CRB1: variants seen among roughly 807,000 people sequenced by gnomAD.
CRB1 encodes crumbs cell polarity complex component 1, also known as protein crumbs homolog 1.
In CRB1, 83 loss-of-function variants were observed where a neutral mutation model predicts 120.0. The observed-to-expected ratio is 0.69, with a 90% confidence interval of 0.58 to 0.83. The LOEUF is 0.83. CRB1 is among the 40% of genes least tolerant of loss of function. CRB1 has a pLI of 0.00. For synonymous variants in CRB1, 625 were observed against 612.5 expected (o/e 1.02, Z -0.30); for missense variants, 1,699 against 1,687.6 (o/e 1.01, Z -0.12).
chr1:197,395,536 A>C (rs1316802475), intron 5 of CRB1, among the ~76,000 whole-genome samples: 1 of 152,126 alleles, frequency 6.6e-6, no homozygotes, highest in African/African-American at 2.4e-5. Flanking sequence ...TATAAAAGTT[A>C]GGTGGTGATT....
chr1:197,236,050 A>G, the CRB1 span, among the ~76,000 whole-genome samples: 1 of 151,988 alleles, frequency 6.6e-6, no homozygotes, highest in African/African-American at 2.4e-5. Flanking sequence ...TCTTAATCTG[A>G]TGGTTGTGTT....
At chr1:197,249,702 A>G in the CRB1 span, among the ~76,000 whole-genome samples, 28 of 152,012 alleles carry the variant, frequency 1.8e-4, no homozygotes, top group Non-Finnish European at 3.2e-4. Context: ...AGATACAAGC[A>G]GGCAAGATGA....
intron 1 of CRB1, among the ~76,000 whole-genome samples, chr1:197,282,678 T>C (rs181678888): frequency 1.6e-3 from 237 of 152,010 alleles, no homozygotes; most frequent in Non-Finnish European, 2.8e-3. Context: ...TACACACATA[T>C]ACAATTAGAA....
chr1:197,335,721 A>C (rs183166798), intron 2 of CRB1, among the ~76,000 whole-genome samples: 1 of 152,186 alleles, frequency 6.6e-6, no homozygotes, highest in East Asian at 1.9e-4. Flanking sequence ...GGTGGCCTCG[A>C]TCTCCGGAGC....
intron 4 of CRB1, among the ~76,000 whole-genome samples, chr1:197,350,236 G>C (rs1177969095): frequency 7.2e-6 from 1 of 139,088 alleles, no homozygotes; most frequent in Non-Finnish European, 1.6e-5. Flanking sequence ...AGTAGGATAT[G>C]TTTCCTGTTT....
intron 2 of CRB1, among the ~76,000 whole-genome samples, chr1:197,342,946 C>T (rs920223942): frequency 2.6e-5 from 4 of 152,198 alleles, no homozygotes; most frequent in African/African-American, 9.7e-5. Flanking sequence ...AAATCTCATT[C>T]ACAGACTGCA....
At position 197,353,014 on chromosome 1, in the gene CRB1, C is replaced by T. The variant is rs141793416; in HGVS notation, c.989-3817C>T. Among the ~76,000 whole-genome samples, 788 of 152,206 alleles carry T rather than the reference C, an allele frequency of 5.2e-3. 8 individuals carry two copies. Among genetic ancestry groups the T allele is most frequent in the African/African-American group, 0.018 (742 of 41,514 alleles). Reference sequence around the variant, plus strand: ...TGCTTACATATTGCTCAGTCCTGGACTGGTAAATAAAATGAACACAGTCTC... The same window carrying T: ...TGCTTACATATTGCTCAGTCCTGGATTGGTAAATAAAATGAACACAGTCTC... On this transcript the variant is annotated intron_variant, in intron 4 of 11. Coordinates refer to ENST00000367400, the MANE Select transcript of CRB1 (RefSeq NM_201253.3).
chr1:197,354,515 A>G (rs1259916367), intron 4 of CRB1, among the ~76,000 whole-genome samples: 1 of 152,000 alleles, frequency 6.6e-6, no homozygotes, highest in Non-Finnish European at 1.5e-5. Context: ...ACTGGCTTCA[A>G]GAGTGAAGCC....
Position 197,427,837 on chromosome 1 carries a change from A to T in CRB1, c.2512A>T (p.Lys838Ter). 1 of 1,614,078 alleles carries T rather than the reference A, an allele frequency of 6.2e-7. No individual in the cohort carries two copies. Among genetic ancestry groups the T allele is most frequent in the Non-Finnish European group, 8.5e-7 (1 of 1,179,990 alleles). ...CATCTACATTGGTGGCCTACCTGACAAGCAAGAGACTGAACTTAATGGTGG... is the reference window on the plus strand; with the variant it reads ...CATCTACATTGGTGGCCTACCTGACTAGCAAGAGACTGAACTTAATGGTGG... ...DVIYIGGLPD[K>*]QETELNGGFF... Residue 838 changes from lysine (K) to a stop codon, truncating the protein, a stop_gained, in exon 7 of 12, where the codon AAG (lysine) becomes TAG (stop). Coordinates refer to ENST00000367400, the MANE Select transcript of CRB1 (RefSeq NM_201253.3). LOFTEE classifies it high-confidence loss of function.
At chr1:197,351,187 C>CAAAAAAAA (rs780090689) in intron 4 of CRB1, among the ~76,000 whole-genome samples, 2,054 of 84,446 alleles carry the variant, frequency 0.024, no homozygotes, top group Middle Eastern at 0.031. Context: ...ACTAAAAATA[C>CAAAAAAAA]AAAAAAAAAA....
chr1:197,212,616 G>A, the CRB1 span, among the ~76,000 whole-genome samples: 1 of 152,134 alleles, frequency 6.6e-6, no homozygotes, highest in Non-Finnish European at 1.5e-5. Context: ...AAGGGTAGGG[G>A]AAGTGTGATA....
intron 5 of CRB1, among the ~76,000 whole-genome samples, chr1:197,387,775 A>T (rs899577365): frequency 3.3e-5 from 5 of 152,048 alleles, no homozygotes; most frequent in African/African-American, 9.7e-5. Flanking sequence ...CAAAAAGAAT[A>T]CAAGTTTATT....
intron 1 of CRB1, among the ~76,000 whole-genome samples, chr1:197,327,671 G>T (rs536543349): frequency 2.6e-5 from 4 of 152,108 alleles, no homozygotes; most frequent in African/African-American, 9.7e-5. Flanking sequence ...TGCAAATATA[G>T]AAATAATTGC....
intron 9 of CRB1, among the ~76,000 whole-genome samples, chr1:197,436,883 T>C (rs1318007567): frequency 2.6e-5 from 4 of 152,150 alleles, no homozygotes; most frequent in Admixed American, 2.0e-4. Flanking sequence ...TGAAAGAATA[T>C]GCAGTGATTT....
chr1:197,297,742 C>T (rs2125248526), intron 1 of CRB1, among the ~76,000 whole-genome samples: 1 of 151,552 alleles, frequency 6.6e-6, no homozygotes, highest in East Asian at 1.9e-4. Context: ...TTTTAAATGA[C>T]AACTGAGAAA....
the CRB1 span, among the ~76,000 whole-genome samples, chr1:197,256,058 A>C: frequency 6.9e-6 from 1 of 144,188 alleles, no homozygotes; most frequent in African/African-American, 2.5e-5. Context: ...TTCAATCTGC[A>C]CTTATTTCTC....
intron 4 of CRB1, among the ~76,000 whole-genome samples, chr1:197,352,600 A>G (rs1458059850): frequency 6.6e-6 from 1 of 152,164 alleles, no homozygotes; most frequent in Non-Finnish European, 1.5e-5. Flanking sequence ...TAGACATTCA[A>G]GTTTAAGAGA....
intron 2 of CRB1, among the ~76,000 whole-genome samples, chr1:197,332,271 G>GT (rs1658904615): frequency 6.6e-6 from 1 of 152,132 alleles, no homozygotes; most frequent in African/African-American, 2.4e-5. Flanking sequence ...ACTGTAGGTT[G>GT]TATCACATCC....
chr1:197,464,564 T>G (rs1472602800), intron 11 of CRB1, among the ~76,000 whole-genome samples: 1 of 152,102 alleles, frequency 6.6e-6, no homozygotes, highest in African/African-American at 2.4e-5. Flanking sequence ...TGAAGAGGCT[T>G]AGTTTATAGT....
Sources: gnomAD v4.1 joint callset for allele counts (sites outside exome capture counted in the v4.1 genomes callset) on GRCh38, gnomAD v4.1.1 for gene constraint, MANE v1.5 for transcripts, NCBI Gene and HGNC (gene_info 2026-07-23, HGNC 2026-07-21) for gene names.